RGS3: variants seen among roughly 807,000 people sequenced by gnomAD.
RGS3 encodes the protein regulator of G-protein signalling 3.
A neutral mutation model predicts 132.6 loss-of-function variants in RGS3; 80 were observed. The ratio of observed to expected loss-of-function variants is 0.60; its 90% CI spans 0.50 to 0.73. The LOEUF (loss-of-function observed/expected upper bound fraction) is 0.73. Ranked by LOEUF, RGS3 falls within the 30% of genes least tolerant of loss-of-function variation. The pLI, the probability that RGS3 is intolerant of heterozygous loss-of-function variation, is 0.00. For missense variants in RGS3, 1,382 were observed against 1,530.8 expected (o/e 0.90, Z 1.62); for synonymous variants, 598 against 620.6 (o/e 0.96, Z 0.54).
At chr9:113,575,917 G>T (rs954343400) in intron 19 of RGS3, among the ~76,000 whole-genome samples, 6 of 152,154 alleles carry the variant, frequency 3.9e-5, no homozygotes, top group African/African-American at 1.4e-4. Flanking sequence ...AATCTCCTGG[G>T]ATCCTATTAA....
chr9:113,501,498 G>T, intron 10 of RGS3: 1 of 1,520,158 alleles, frequency 6.6e-7, no homozygotes, highest in Non-Finnish European at 8.8e-7. Flanking sequence ...ATGCCAGGCT[G>T]ACGGGTCCAG....
At chr9:113,554,442 A>C (rs1833483962) in intron 19 of RGS3, among the ~76,000 whole-genome samples, 1 of 152,162 alleles carries the variant, frequency 6.6e-6, no homozygotes, top group Non-Finnish European at 1.5e-5. Flanking sequence ...AGTAACTGGG[A>C]CTACAGGCAC....
intron 19 of RGS3, among the ~76,000 whole-genome samples, chr9:113,562,476 CAA>C (rs1184135248): frequency 3.8e-4 from 26 of 68,522 alleles, no homozygotes; most frequent in Admixed American, 9.5e-4. Flanking sequence ...GACTCTGTCT[CAA>C]AAAAAAAAAA....
At chr9:113,482,960 T>C (rs752564196) in intron 4 of RGS3, 99 bp from the exon 3 acceptor site, 15 of 1,598,900 alleles carry the variant, frequency 9.4e-6, no homozygotes, top group Non-Finnish European at 1.2e-5. Context: ...CAGGTCTCTT[T>C]ATTCGTGTGG....
At chr9:113,532,052 C>T (rs867493294) in intron 18 of RGS3, among the ~76,000 whole-genome samples, 6 of 152,160 alleles carry the variant, frequency 3.9e-5, no homozygotes, top group South Asian at 2.1e-4. Flanking sequence ...AGGTCTGTGC[C>T]CAGTGCTTCT....
chr9:113,470,829 A>G (rs139920691), intron 3 of RGS3, among the ~76,000 whole-genome samples: 14 of 152,192 alleles, frequency 9.2e-5, no homozygotes, highest in African/African-American at 3.4e-4. Context: ...GCTGGGCATG[A>G]TGGTGTGCAC....
Position 113,591,856 on chromosome 9 carries a change from CCG to C in RGS3, c.3080+460_3080+461del. 1 of 171,364 alleles carries C rather than the reference CCG, an allele frequency of 5.8e-6. No individual in the cohort carries two copies. The highest frequency in any genetic ancestry group is 1.3e-5 in the Non-Finnish European group (1 of 77,644). The allele number at this position is 171,364 out of a possible 1,614,324, so 10.6% of individuals were successfully genotyped here. A position where few individuals can be genotyped will look rare whatever the true frequency, so the allele number is the denominator to read the frequency against. ...GGAGGGGGCGCTGCTGGCCCAGCTG[CCG>C]AATCCCGCACTCGCCAAGCCTTTCT... is the stretch of plus-strand genomic sequence containing the variant. On this transcript the variant is annotated intron_variant, in intron 21 of 24. Coordinates refer to ENST00000350696, the Ensembl canonical transcript of RGS3. The surrounding 1 kb of genome is among the most constrained non-coding windows in gnomAD (Gnocchi z 4.4).
At chr9:113,446,684 G>C (rs923463035) in intron 1 of RGS3, among the ~76,000 whole-genome samples, 2 of 152,200 alleles carry the variant, frequency 1.3e-5, no homozygotes, top group Admixed American at 1.3e-4. Context: ...CTCAGGTGGC[G>C]TGTAGGAAGC....
At position 113,495,863 on chromosome 9, in the gene RGS3, C is replaced by T. The variant is rs1259619646; in HGVS notation, c.750+17C>T. 2 of 1,608,196 alleles carry T rather than the reference C, an allele frequency of 1.2e-6. No homozygotes were observed. The highest frequency in any genetic ancestry group is 1.7e-5 in the Admixed American group (1 of 60,018). ...CCAGACAAGGTGGGTCCTAGGGATG[C>T]TTCTGTCAGGATCATCCCAACTGGG... is the stretch of plus-strand genomic sequence containing the variant. On this transcript the variant is annotated intron_variant, in intron 8 of 24. Transcript: ENST00000350696.
rs1439846765 is a variant in RGS3, at chr9:113,597,118, G to A, written c.*165G>A. The A allele has an allele frequency of 1.5e-5, 9 of 613,136 alleles. No individual in the cohort carries two copies. In the Admixed American group the frequency reaches 2.7e-4, roughly 19 times the overall value. 38.0% of individuals were successfully genotyped at this position (613,136 alleles called of 1,614,324 possible). ...CGAGGCCTGGACCAAGAGAGGCCCAGGCTACTGGAGGAGTAGAAGGATGGG... is the reference window on the plus strand; with the variant it reads ...CGAGGCCTGGACCAAGAGAGGCCCAAGCTACTGGAGGAGTAGAAGGATGGG... On this transcript the variant is annotated 3_prime_UTR_variant, in exon 25 of 25. Transcript: ENST00000350696.
At chr9:113,546,084 C>A (rs890280119) in intron 19 of RGS3, among the ~76,000 whole-genome samples, 3 of 152,204 alleles carry the variant, frequency 2.0e-5, no homozygotes, top group African/African-American at 7.2e-5. Context: ...CAGAGTAAAG[C>A]TTGGCTTTCC....
rs768053150 is a variant in RGS3, at chr9:113,463,816, T to C, written c.415+1615T>C. ...CAGTGGGACGCCATGGAGCGCTCCC[T>C]GCACCGCGTCTCCCTCGGGAGCCGG... On this transcript the variant is annotated intron_variant, in intron 3 of 24. Transcript: ENST00000350696. This position sits in a 1 kb window ranked among gnomAD's most constrained non-coding sequence, Gnocchi z 4.6. 2 of 1,612,590 alleles carry C rather than the reference T, an allele frequency of 1.2e-6. No individual in the cohort carries two copies. The highest frequency in any genetic ancestry group is 2.2e-5 in the South Asian group (2 of 90,984).
intron 1 of RGS3, among the ~76,000 whole-genome samples, chr9:113,455,114 C>T (rs780502712): frequency 9.2e-5 from 14 of 152,192 alleles, no homozygotes; most frequent in Non-Finnish European, 1.5e-4. Flanking sequence ...TGGAAAGTCT[C>T]TCCCGGGAAT....
intron 17 of RGS3, among the ~76,000 whole-genome samples, chr9:113,527,510 ACTT>A: frequency 6.6e-6 from 1 of 152,336 alleles, no homozygotes; most frequent in South Asian, 2.1e-4. Context: ...AACATGATGG[ACTT>A]CTTAGGCAGG....
chr9:113,529,384 G>A, intron 18 of RGS3, 120 bp downstream of exon 16: 1 of 901,178 alleles, frequency 1.1e-6, no homozygotes, highest in Non-Finnish European at 1.8e-6. Context: ...TCATGCCGAA[G>A]TCCTGGGCAA....
At chr9:113,476,822 C>T (rs1477061615) in intron 3 of RGS3, among the ~76,000 whole-genome samples, 3 of 152,322 alleles carry the variant, frequency 2.0e-5, no homozygotes, top group African/African-American at 4.8e-5. Flanking sequence ...ATTTCCTGAT[C>T]CTGACTTCTG....
At chr9:113,560,948 G>C (rs1442582733) in intron 19 of RGS3, among the ~76,000 whole-genome samples, 1 of 152,162 alleles carries the variant, frequency 6.6e-6, no homozygotes, top group African/African-American at 2.4e-5. Flanking sequence ...TTCTGGCAGG[G>C]GCAAGGGGCT....
intron 19 of RGS3, among the ~76,000 whole-genome samples, chr9:113,558,196 G>T (rs1833646107): frequency 6.6e-6 from 1 of 152,182 alleles, no homozygotes; most frequent in South Asian, 2.1e-4. Context: ...TTTGGGAGAA[G>T]AATGGTGCTC....
intron 19 of RGS3, among the ~76,000 whole-genome samples, chr9:113,564,226 T>A (rs1400674573): frequency 1.3e-5 from 2 of 152,220 alleles, no homozygotes; most frequent in African/African-American, 4.8e-5. Context: ...CAACTGGCTA[T>A]GTGACTGTGG....
Sources: allele counts gnomAD v4.1 joint callset (sites outside exome capture counted in the v4.1 genomes callset), GRCh38; gene constraint gnomAD v4.1.1; non-coding constraint Gnocchi (gnomAD v3.1); transcripts MANE v1.5; gene names NCBI Gene and HGNC (gene_info 2026-07-23, HGNC 2026-07-21).